The following CPED1 variants were observed in gnomAD, a reference collection of about 807,000 sequenced individuals.
CPED1 encodes the protein cadherin like and PC-esterase domain containing 1.
CPED1 carries 114 observed loss-of-function variants against 128.2 expected under a neutral mutation model. The observed-to-expected ratio is 0.89, with a 90% CI of 0.76 to 1.04. The LOEUF is 1.04. Among genes scored for constraint, CPED1 ranks in the 50% least tolerant of loss-of-function variants. CPED1 has a pLI of 0.00. For synonymous variants in CPED1, 462 were observed against 426.7 expected (o/e 1.08, Z -1.02); for missense variants, 1,211 against 1,207.1 (o/e 1.00, Z -0.05).
chr7:121,040,451 A>C (rs1203434812), intron 3 of CPED1, among the ~76,000 whole-genome samples: 1 of 152,074 alleles, frequency 6.6e-6, no homozygotes, highest in East Asian at 1.9e-4. Context: ...GAATTGGTTA[A>C]TGCAACTTGA....
At chr7:121,223,921 A>T (rs1176933889) in intron 16 of CPED1, among the ~76,000 whole-genome samples, 1 of 149,926 alleles carries the variant, frequency 6.7e-6, no homozygotes, top group Non-Finnish European at 1.5e-5. Flanking sequence ...TTCTGGATTC[A>T]TTGATTTTTT....
At chr7:121,091,135 A>T (rs1281444101) in intron 5 of CPED1, among the ~76,000 whole-genome samples, 1 of 151,746 alleles carries the variant, frequency 6.6e-6, no homozygotes, top group Non-Finnish European at 1.5e-5. Context: ...AGTATGTCTG[A>T]ACAAAATACA....
chr7:121,060,778 G>C (rs1307473020), intron 4 of CPED1, among the ~76,000 whole-genome samples: 1 of 152,230 alleles, frequency 6.6e-6, no homozygotes, highest in Non-Finnish European at 1.5e-5. Flanking sequence ...GCCAGCAGTG[G>C]CAACCCGCTC....
chr7:121,001,671 T>C (rs933045646), intron 2 of CPED1, among the ~76,000 whole-genome samples: 3 of 152,120 alleles, frequency 2.0e-5, no homozygotes, highest in Admixed American at 1.3e-4. Flanking sequence ...CTGAAACAGA[T>C]CCTGCCGTGA....
intron 16 of CPED1, among the ~76,000 whole-genome samples, chr7:121,198,688 A>G (rs1797322998): frequency 6.6e-6 from 1 of 152,074 alleles, no homozygotes. Flanking sequence ...AATGCAGCCA[A>G]CTCAAAGCCG....
intron 18 of CPED1, among the ~76,000 whole-genome samples, chr7:121,248,191 T>C (rs565105456): frequency 4.0e-5 from 6 of 151,110 alleles, no homozygotes; most frequent in African/African-American, 1.2e-4. Context: ...CAAACCCACA[T>C]TCTCAGAGCA....
At chr7:120,991,580 T>C (rs566433660) in intron 2 of CPED1, among the ~76,000 whole-genome samples, 1 of 152,360 alleles carries the variant, frequency 6.6e-6, no homozygotes, top group South Asian at 2.1e-4. Flanking sequence ...TACAGCTTTC[T>C]TACTCCCCTT....
At chr7:121,087,277 C>T (rs1378911771) in intron 5 of CPED1, among the ~76,000 whole-genome samples, 2 of 152,170 alleles carry the variant, frequency 1.3e-5, no homozygotes, top group East Asian at 3.9e-4. Flanking sequence ...TCTTCTCCTA[C>T]TAAGTAACTC....
intron 16 of CPED1, among the ~76,000 whole-genome samples, chr7:121,227,454 C>T (rs1798041101): frequency 1.3e-5 from 2 of 152,030 alleles, no homozygotes; most frequent in Admixed American, 6.6e-5. Context: ...CCTGAAAAGA[C>T]ATAAAGCAAT....
At chr7:121,187,240 T>C (rs1797023119) in intron 16 of CPED1, among the ~76,000 whole-genome samples, 1 of 152,126 alleles carries the variant, frequency 6.6e-6, no homozygotes, top group Non-Finnish European at 1.5e-5. Context: ...AGGAGCCCAG[T>C]AGGTCGGTAG....
intron 22 of CPED1, among the ~76,000 whole-genome samples, chr7:121,291,172 T>C (rs1792692814): frequency 1.3e-5 from 2 of 152,228 alleles, no homozygotes; most frequent in African/African-American, 4.8e-5. Context: ...GTATCTGTTT[T>C]GGTACCAGTA....
chr7:120,992,881 G>A (rs1277002974), intron 2 of CPED1, among the ~76,000 whole-genome samples: 2 of 152,248 alleles, frequency 1.3e-5, no homozygotes, highest in Admixed American at 6.5e-5. Context: ...ACTTTACCCT[G>A]CACACTTTTA....
At chr7:120,989,934 T>C in intron 2 of CPED1, 64 bp downstream of exon 2, 2 of 1,584,860 alleles carry the variant, frequency 1.3e-6, no homozygotes, top group South Asian at 1.2e-5. Context: ...TTCTCTGTCC[T>C]TTCTATAAAA....
intron 16 of CPED1, among the ~76,000 whole-genome samples, chr7:121,163,244 C>T (rs948066081): frequency 2.6e-5 from 4 of 152,196 alleles, no homozygotes; most frequent in African/African-American, 9.6e-5. Flanking sequence ...CATTTCTACC[C>T]CACTCCCCAC....
chr7:121,253,687 C>G (rs573078204), intron 18 of CPED1, among the ~76,000 whole-genome samples: 2 of 152,076 alleles, frequency 1.3e-5, no homozygotes, highest in South Asian at 2.1e-4. Flanking sequence ...AGAGACCCAT[C>G]TTGATGTAAG....
intron 22 of CPED1, among the ~76,000 whole-genome samples, chr7:121,285,766 C>G (rs919592461): frequency 6.6e-6 from 1 of 152,202 alleles, no homozygotes; most frequent in African/African-American, 2.4e-5. Flanking sequence ...AAGTTCCAAA[C>G]TTTCCCATAT....
chr7:121,115,877 A>C (rs745740326), intron 7 of CPED1, among the ~76,000 whole-genome samples: 5 of 152,214 alleles, frequency 3.3e-5, no homozygotes, highest in Non-Finnish European at 7.3e-5. Flanking sequence ...TAGAGAGTTC[A>C]ATGATAAAAT....
At chr7:121,233,859 A>C (rs775567210) in intron 16 of CPED1, among the ~76,000 whole-genome samples, 22 of 152,056 alleles carry the variant, frequency 1.4e-4, no homozygotes. Context: ...AAAAGTGTAG[A>C]GGTAGCTCCA....
At chr7:120,995,522 A>G (rs1338049290) in intron 2 of CPED1, among the ~76,000 whole-genome samples, 1 of 151,830 alleles carries the variant, frequency 6.6e-6, no homozygotes, top group Non-Finnish European at 1.5e-5. Context: ...GTTAATTTTC[A>G]CCCTTGGCAG....
Sources: allele counts gnomAD v4.1 joint callset (sites outside exome capture counted in the v4.1 genomes callset), GRCh38; gene constraint gnomAD v4.1.1; transcripts MANE v1.5; gene names NCBI Gene and HGNC (gene_info 2026-07-23, HGNC 2026-07-21).